XIRP2: variants seen among roughly 807,000 people sequenced by gnomAD.
The protein encoded by XIRP2 is xin actin-binding repeat-containing protein 2.
In XIRP2, 236 loss-of-function variants were observed where a neutral mutation model predicts 277.0. The observed-to-expected ratio is 0.85, with a 90% CI of 0.77 to 0.95. The LOEUF is 0.95. Among genes scored for constraint, XIRP2 ranks in the 40% least tolerant of loss-of-function variants. The pLI is 0.00. For synonymous variants in XIRP2, 1,490 were observed against 1,416.5 expected (o/e 1.05, Z -1.17); for missense variants, 4,640 against 4,157.5 (o/e 1.12, Z -3.19).
chr2:167,247,024 T>A lies in XIRP2; in HGVS notation c.5632T>A (p.Ser1878Thr). ...MLATLKSLKE[S>T]SHRWKESKQP... The stretch of plus-strand genomic sequence containing the variant: ...AGCCACACTCAAGTCACTTAAAGAA[T>A]CAAGCCATCGATGGAAAGAATCTAA... The change falls in exon 9 of 11, where the codon TCA (serine) becomes ACA (threonine). Residue 1878 changes from serine to threonine, a missense_variant. Physicochemically the swap from Ser to Thr is moderately conservative, Grantham distance 58 (BLOSUM62 1). Transcript: ENST00000409195. 1.2e-6 allele frequency: 2 copies of A among 1,613,462 alleles called. No individual in the cohort carries two copies. Among genetic ancestry groups the A allele is most frequent in the Non-Finnish European group, 1.7e-6 (2 of 1,179,728 alleles).
chr2:167,211,020 G>C lies in XIRP2; in HGVS notation c.723+125G>C. 1.3e-5 allele frequency: 15 copies of C among 1,198,366 alleles called. 1 individual carries two copies. In the South Asian group the frequency reaches 2.5e-4, roughly 20 times the overall value. 74.2% of individuals were successfully genotyped at this position (1,198,366 alleles called of 1,614,324 possible). A position where few individuals can be genotyped will look rare whatever the true frequency, so the allele number is the denominator to read the frequency against. On this transcript the variant is annotated intron_variant, in intron 4 of 10. Coordinates refer to ENST00000409195, the MANE Select transcript of XIRP2 (RefSeq NM_152381.6). ...CTAAAGTAGAAAGAGCACAAAAATA[G>C]TGTGTGAAATAAATCCAGACTATCT...
intron 3 of XIRP2, chr2:167,187,183 C>T: frequency 1.1e-6 from 1 of 929,710 alleles, no homozygotes; most frequent in Non-Finnish European, 1.3e-6. Flanking sequence ...TGATTGACTG[C>T]ACATGTGTTA....
At chr2:166,940,446 C>T (rs925413659) in intron 2 of XIRP2, among the ~76,000 whole-genome samples, 4 of 152,210 alleles carry the variant, frequency 2.6e-5, no homozygotes, top group African/African-American at 7.2e-5. Flanking sequence ...TCTCTCAACT[C>T]TTCAAAGTCA....
chr2:166,889,823 A>G lies in XIRP2; in HGVS notation c.-19+1266A>G, dbSNP rs1238635500. On this transcript the variant is annotated intron_variant, in intron 1 of 10. Coordinates refer to ENST00000409195, the MANE Select transcript of XIRP2 (RefSeq NM_152381.6). ...TTCATTTTCATTCTCTCATAAGTCT[A>G]GATTTCTTCCCCTTTTTGGGGTAAG... 2.6e-5 allele frequency: 4 copies of G among 152,336 alleles called. No homozygotes were observed. In the East Asian group the frequency reaches 7.8e-4, roughly 30 times the overall value. The allele number at this position is 152,336 out of a possible 1,614,324, so 9.4% of individuals were successfully genotyped here.
intron 2 of XIRP2, among the ~76,000 whole-genome samples, chr2:166,923,925 G>A (rs1422679903): frequency 1.3e-5 from 2 of 152,038 alleles, no homozygotes; most frequent in East Asian, 3.9e-4. Flanking sequence ...GCAGTAGGAG[G>A]TGAGGTTGGA....
In XIRP2 at chr2:167,029,358, T is replaced by G. The variant is rs184878682; in HGVS notation, c.409-106551T>G. On this transcript the variant is annotated intron_variant, in intron 2 of 10. Coordinates refer to ENST00000409195, the MANE Select transcript of XIRP2 (RefSeq NM_152381.6). Reference sequence around the variant, plus strand: ...CTGTGAGTTTGTCATAAATAGCTCTTATTATATTCAGATACGTTCCCTCAA... The same window carrying G: ...CTGTGAGTTTGTCATAAATAGCTCTGATTATATTCAGATACGTTCCCTCAA... Among the ~76,000 whole-genome samples the G allele has an allele frequency of 6.2e-3, 937 of 152,264 alleles. 2 individuals are homozygous for G. The highest frequency in any genetic ancestry group is 0.019 in the South Asian group (92 of 4,826).
At chr2:167,200,627 T>G (rs1693654279) in intron 3 of XIRP2, among the ~76,000 whole-genome samples, 1 of 152,224 alleles carries the variant, frequency 6.6e-6, no homozygotes, top group Non-Finnish European at 1.5e-5. Context: ...ACCTGTTATA[T>G]TTATCTTTTT....
chr2:166,983,388 T>G (rs745536930), intron 2 of XIRP2, among the ~76,000 whole-genome samples: 5 of 152,216 alleles, frequency 3.3e-5, no homozygotes, highest in Non-Finnish European at 7.3e-5. Context: ...AAATTTTAAT[T>G]ATAGTTTTAA....
rs909158397 is a variant in XIRP2 at position 167,085,468 on chromosome 2, G to A, written c.409-50441G>A. 7.0e-3 allele frequency among the ~76,000 whole-genome samples: 1,068 copies of A among 151,600 alleles called. 15 individuals carry two copies. Among genetic ancestry groups the A allele is most frequent in the African/African-American group, 0.025 (1,030 of 41,426 alleles). On this transcript the variant is annotated intron_variant, in intron 2 of 10. Transcript: ENST00000409195. ...TAGATGTCTATTAGGTCTGCTTGGT[G>A]CAGAGCTGAGTTCAGTTCCTGGGTA...
At chr2:167,121,016 G>A (rs761593553) in intron 2 of XIRP2, among the ~76,000 whole-genome samples, 11 of 152,134 alleles carry the variant, frequency 7.2e-5, no homozygotes, top group African/African-American at 2.4e-4. Flanking sequence ...AAAAGTGAGT[G>A]ATATTATTGT....
chr2:167,163,743 A>G (rs1449272505), intron 3 of XIRP2, among the ~76,000 whole-genome samples: 2 of 152,144 alleles, frequency 1.3e-5, no homozygotes, highest in East Asian at 3.9e-4. Flanking sequence ...AGAATTGCAA[A>G]GATATTTCTG....
intron 5 of XIRP2, among the ~76,000 whole-genome samples, chr2:167,238,110 G>A (rs911944097): frequency 2.0e-5 from 3 of 152,248 alleles, no homozygotes; most frequent in Non-Finnish European, 2.9e-5. Context: ...AACATTCCTC[G>A]CAAGTAGGTG....
chr2:166,913,320 C>T (rs945893851), intron 2 of XIRP2, among the ~76,000 whole-genome samples: 5 of 151,276 alleles, frequency 3.3e-5, no homozygotes, highest in African/African-American at 9.7e-5. Context: ...ACCCCCCCCC[C>T]CCAGCCTCGC....
At chr2:167,252,729 G>A (rs923896473) in intron 9 of XIRP2, among the ~76,000 whole-genome samples, 9 of 152,004 alleles carry the variant, frequency 5.9e-5, no homozygotes, top group African/African-American at 2.2e-4. Flanking sequence ...GAGGCTTCAT[G>A]ATAAAAGAAT....
In XIRP2 at chr2:167,237,741, T is replaced by C. The variant is rs969972764; in HGVS notation, c.859-2114T>C. 5.9e-5 allele frequency among the ~76,000 whole-genome samples: 9 copies of C among 152,274 alleles called. 1 individual carries two copies. In the Middle Eastern group the frequency reaches 0.014, roughly 230 times the overall value. ...ATCACGGTGCCCCTCATAGGGACCTTGGTTCTGATCAGGTGCACATTCTCC... is the reference window on the plus strand; with the variant it reads ...ATCACGGTGCCCCTCATAGGGACCTCGGTTCTGATCAGGTGCACATTCTCC... On this transcript the variant is annotated intron_variant, in intron 5 of 10. Transcript: ENST00000409195.
At chr2:166,914,122 G>A (rs568667503) in intron 2 of XIRP2, among the ~76,000 whole-genome samples, 1 of 152,318 alleles carries the variant, frequency 6.6e-6, no homozygotes, top group Non-Finnish European at 1.5e-5. Flanking sequence ...AACACAGGAT[G>A]TCAGATTGAG....
intron 2 of XIRP2, among the ~76,000 whole-genome samples, chr2:167,098,864 A>T (rs1690405255): frequency 6.6e-6 from 1 of 152,116 alleles, no homozygotes; most frequent in Admixed American, 6.5e-5. Context: ...GCTGGGTATC[A>T]CCAGTGGAGG....
At chr2:166,976,623 A>G (rs1481177902) in intron 2 of XIRP2, among the ~76,000 whole-genome samples, 2 of 152,222 alleles carry the variant, frequency 1.3e-5, no homozygotes, top group African/African-American at 4.8e-5. Flanking sequence ...TTACAACAGT[A>G]TAACTTCATA....
chr2:167,019,682 G>A (rs1687929982), intron 2 of XIRP2, among the ~76,000 whole-genome samples: 1 of 151,996 alleles, frequency 6.6e-6, no homozygotes, highest in Non-Finnish European at 1.5e-5. Context: ...GTGGTAAAAA[G>A]ATTTTCTCAT....
Sources: gnomAD v4.1 joint callset for allele counts (sites outside exome capture counted in the v4.1 genomes callset) on GRCh38, gnomAD v4.1.1 for gene constraint, MANE v1.5 for transcripts, NCBI Gene and HGNC (gene_info 2026-07-23, HGNC 2026-07-21) for gene names.